The following RGS3 variants were observed in gnomAD, a reference collection of about 807,000 sequenced individuals.
The protein encoded by RGS3 is regulator of G-protein signalling 3.
A neutral mutation model predicts 132.6 loss-of-function variants in RGS3; 80 were observed. The ratio of observed to expected loss-of-function variants is 0.60; its 90% CI spans 0.50 to 0.73. The LOEUF is 0.73. Among genes scored for constraint, RGS3 ranks in the 30% least tolerant of loss-of-function variants. RGS3 has a pLI of 0.00. For synonymous variants in RGS3, 598 were observed against 620.6 expected, an observed-to-expected ratio of 0.96 and a Z score of 0.54; for missense variants, 1,382 against 1,530.8, an observed-to-expected ratio of 0.90 and a Z score of 1.62.
chr9:113,595,865 A>G (rs2119070659), intron 24 of RGS3, 100 bp downstream of exon 22: 2 of 1,311,138 alleles, frequency 1.5e-6, no homozygotes, highest in East Asian at 4.6e-5. Flanking sequence ...GGGAGAGGCC[A>G]GAATGACTCC....
intron 19 of RGS3, among the ~76,000 whole-genome samples, chr9:113,569,991 G>C (rs1196278758): frequency 6.6e-6 from 1 of 152,182 alleles, no homozygotes; most frequent in Non-Finnish European, 1.5e-5. Context: ...AATTGCTTTT[G>C]TGTGTCCAGC....
chr9:113,540,784 G>A (rs10981816), intron 19 of RGS3, among the ~76,000 whole-genome samples: 18,103 of 152,186 alleles, frequency 0.12, 1,298 homozygotes, highest in African/African-American at 0.19. Context: ...ATAGTTCAAA[G>A]TAACACAGTA....
At chr9:113,517,948 G>A (rs1246238776) in intron 16 of RGS3, among the ~76,000 whole-genome samples, 2 of 152,174 alleles carry the variant, frequency 1.3e-5, no homozygotes, top group Non-Finnish European at 2.9e-5. Flanking sequence ...GACTTTGGTG[G>A]CAGGAAGAGT....
intron 3 of RGS3, among the ~76,000 whole-genome samples, chr9:113,478,145 C>T (rs566970841): frequency 9.5e-4 from 145 of 152,034 alleles, no homozygotes; most frequent in African/African-American, 3.2e-3. Flanking sequence ...AAACCTCACC[C>T]GGCCACTCAT....
intron 1 of RGS3, among the ~76,000 whole-genome samples, chr9:113,447,331 A>ATATATGTATATATATATATATATATG: frequency 1.4e-5 from 1 of 70,038 alleles, no homozygotes; most frequent in South Asian, 5.9e-4. Context: ...ATGTATATGT[A>ATATATGTATATATATATATATATATG]TATATATATA....
chr9:113,536,719 G>T, intron 18 of RGS3, 77 bp from the exon 17 acceptor site: 1 of 1,565,334 alleles, frequency 6.4e-7, no homozygotes. Context: ...GGAGCCCAGG[G>T]ATGGGCTTGG....
intron 19 of RGS3, chr9:113,541,222 G>A: frequency 7.7e-7 from 1 of 1,299,992 alleles, no homozygotes; most frequent in East Asian, 2.4e-5. Flanking sequence ...ATGCCAGGGT[G>A]TGTGAGTGCC....
chr9:113,564,907 G>T, intron 19 of RGS3: 10 of 995,678 alleles, frequency 1.0e-5, no homozygotes, highest in Non-Finnish European at 1.2e-5. Context: ...CAGCGTCGGG[G>T]TGGGGGTGTG....
At chr9:113,578,577 G>C (rs1359782646) in intron 19 of RGS3, among the ~76,000 whole-genome samples, 1 of 152,142 alleles carries the variant, frequency 6.6e-6, no homozygotes, top group East Asian at 1.9e-4. Flanking sequence ...GGTGGCGGAG[G>C]AAGGACTGGG....
rs1355243568 is a variant in RGS3 at position 113,463,297 on chromosome 9, A to T, written c.415+1096A>T. Among the ~76,000 whole-genome samples the T allele has an allele frequency of 1.3e-5, 2 of 152,122 alleles. No homozygotes were observed. The highest frequency in any genetic ancestry group is 2.9e-5 in the Non-Finnish European group (2 of 68,022). On this transcript the variant is annotated intron_variant, in intron 3 of 24. Transcript: ENST00000350696. This position sits in a 1 kb window ranked among gnomAD's most constrained non-coding sequence, Gnocchi z 4.6. ...TCCAAGCGCAGAGAACACTTTTCCA[A>T]ACCTCACTGCCCTGGGCCATCGGGT...
Position 113,565,025 on chromosome 9 carries a change from A to T in RGS3, c.2038-18425A>T. On this transcript the variant is annotated intron_variant, in intron 19 of 24. Transcript: ENST00000350696. The surrounding 1 kb of genome is among the most constrained non-coding windows in gnomAD (Gnocchi z 5.7). ...CTGCCCCAGCCTGGGAGCCCTCAGG[A>T]TGTGTGTGGGGTGGAGCCTGCTAGG... The T allele has an allele frequency of 9.4e-7, 1 of 1,060,706 alleles. No homozygotes were observed. The highest frequency in any genetic ancestry group is 1.1e-6 in the Non-Finnish European group (1 of 872,416). 65.7% of individuals were successfully genotyped at this position (1,060,706 alleles called of 1,614,324 possible).
intron 10 of RGS3, chr9:113,505,216 G>A (rs759497957): frequency 2.6e-5 from 15 of 567,820 alleles, no homozygotes; most frequent in Admixed American, 6.0e-5. Context: ...ACATCAGCCT[G>A]GGTTTACTTG....
At chr9:113,585,133 T>A (rs1835054057) in intron 20 of RGS3, among the ~76,000 whole-genome samples, 1 of 152,236 alleles carries the variant, frequency 6.6e-6, no homozygotes. Context: ...CACAGAAGTG[T>A]GTGAGGCTGG....
intron 1 of RGS3, among the ~76,000 whole-genome samples, chr9:113,451,649 G>C (rs1239933942): frequency 2.0e-5 from 3 of 150,516 alleles, no homozygotes; most frequent in African/African-American, 7.3e-5. Context: ...GGCAACATAT[G>C]CAATTTATTA....
At chr9:113,583,302 G>C (rs1227891604) in intron 19 of RGS3, 148 bp from the exon 18 acceptor site, 1 of 1,388,138 alleles carries the variant, frequency 7.2e-7, no homozygotes, top group Non-Finnish European at 9.5e-7. Flanking sequence ...AGTCAAAGGG[G>C]CTTTGGGGGT....
intron 17 of RGS3, among the ~76,000 whole-genome samples, chr9:113,527,117 G>A (rs754312454): frequency 1.3e-5 from 2 of 152,226 alleles, no homozygotes; most frequent in Non-Finnish European, 2.9e-5. Flanking sequence ...TTGCAGTAAT[G>A]CAGGGAGGTT....
intron 19 of RGS3, chr9:113,582,402 G>C (rs1487624845): frequency 6.1e-6 from 1 of 163,640 alleles, no homozygotes; most frequent in Admixed American, 6.5e-5. Flanking sequence ...CCAAGCATCT[G>C]TTCAGTTCCC....
chr9:113,583,951 C>G, exon 20 of RGS3: 2 of 1,614,088 alleles, frequency 1.2e-6, no homozygotes, highest in Non-Finnish European at 1.7e-6. Flanking sequence ...TGGGGACCCA[C>G]CTGCGGCCCC....
chr9:113,482,948 T>C (rs1174828664), intron 4 of RGS3, 111 bp from the exon 3 acceptor site: 2 of 1,583,102 alleles, frequency 1.3e-6, no homozygotes. Context: ...CGCTTTTCTT[T>C]TCAGGTCTCT....
Sources: gnomAD v4.1 joint callset for allele counts (sites outside exome capture counted in the v4.1 genomes callset) on GRCh38, gnomAD v4.1.1 for gene constraint, Gnocchi (gnomAD v3.1) non-coding constraint, MANE v1.5 for transcripts, NCBI Gene and HGNC (gene_info 2026-07-23, HGNC 2026-07-21) for gene names.